Variants in MCUB observed in about 807,000 individuals in gnomAD.
MCUB encodes the protein calcium uniporter regulatory subunit MCUb, mitochondrial.
MCUB carries 46 observed loss-of-function variants against 41.4 expected under a neutral mutation model. The observed-to-expected ratio is 1.11, with a 90% CI of 0.88 to 1.42. The LOEUF (loss-of-function observed/expected upper bound fraction) is 1.42, where lower values mean the gene tolerates loss of function less well. Among genes scored for constraint, MCUB ranks in the 40% most tolerant of loss-of-function variants. The pLI is 0.00. For synonymous variants in MCUB, 148 were observed against 148.2 expected (o/e 1.00, Z 0.01); for missense variants, 403 against 404.9 (o/e 1.00, Z 0.04).
intron 1 of MCUB, among the ~76,000 whole-genome samples, chr4:109,654,455 A>G (rs1374228887): frequency 1.3e-5 from 2 of 152,008 alleles, no homozygotes; most frequent in African/African-American, 4.8e-5. Context: ...TACTAAAAAT[A>G]CAAAAATTAG....
rs796421277 is a variant in MCUB at position 109,576,860 on chromosome 4, G to GT, written c.99+16433dup. 1.7e-3 allele frequency among the ~76,000 whole-genome samples: 255 copies of GT among 151,114 alleles called. 2 individuals carry two copies. Among genetic ancestry groups the GT allele is most frequent in the African/African-American group, 5.2e-3 (216 of 41,182 alleles). ...TCAGAAATTCTTTCTTTTCTTTCTTGTTTTTTTTTGAGATGGAGTCTCACT... is the reference window on the plus strand; with the variant it reads ...TCAGAAATTCTTTCTTTTCTTTCTTGTTTTTTTTTTGAGATGGAGTCTCACT... On this transcript the variant is annotated intron_variant, in intron 1 of 7. Transcript: ENST00000394650.
intron 1 of MCUB, among the ~76,000 whole-genome samples, chr4:109,613,055 G>A (rs1054024117): frequency 4.6e-5 from 7 of 151,412 alleles, no homozygotes; most frequent in East Asian, 1.9e-4. Context: ...GCAGTGAGCC[G>A]AGATCACACC....
intron 1 of MCUB, among the ~76,000 whole-genome samples, chr4:109,621,861 G>A: frequency 6.6e-6 from 1 of 152,048 alleles, no homozygotes; most frequent in East Asian, 1.9e-4. Context: ...AACTTATAAT[G>A]TGGGGATTTT....
At chr4:109,596,537 G>A (rs1204156654) in intron 1 of MCUB, among the ~76,000 whole-genome samples, 2 of 151,976 alleles carry the variant, frequency 1.3e-5, no homozygotes, top group African/African-American at 2.4e-5. Flanking sequence ...ATGTGGAACT[G>A]CAGTTGCCAT....
intron 1 of MCUB, among the ~76,000 whole-genome samples, chr4:109,631,797 A>G (rs1205509665): frequency 1.3e-5 from 2 of 152,058 alleles, no homozygotes; most frequent in Non-Finnish European, 2.9e-5. Flanking sequence ...TCCTTTATTC[A>G]GCCCAGGGGT....
At chr4:109,609,027 T>G (rs985990569) in intron 1 of MCUB, among the ~76,000 whole-genome samples, 1 of 151,804 alleles carries the variant, frequency 6.6e-6, no homozygotes, top group African/African-American at 2.4e-5. Flanking sequence ...AGACAGAGAC[T>G]CTGTGTTATC....
In MCUB at chr4:109,674,130, G is replaced by A. The variant is rs115440293; in HGVS notation, c.452-8452G>A. 2,250 of 1,376,724 alleles carry A rather than the reference G, an allele frequency of 1.6e-3. 27 individuals are homozygous for A. The African/African-American group carries it at 0.029, about 18-fold the overall frequency. 85.3% of individuals were successfully genotyped at this position (1,376,724 alleles called of 1,614,324 possible). On this transcript the variant is annotated intron_variant, in intron 4 of 7. Transcript: ENST00000394650. Reference sequence around the variant, plus strand: ...GGGCAAAACCTAAGCCTTAGAAGAAGAGATGCTGCCTTGTTGGAGGAGCTT... The same window carrying A: ...GGGCAAAACCTAAGCCTTAGAAGAAAAGATGCTGCCTTGTTGGAGGAGCTT...
At chr4:109,568,873 G>T (rs1358768366) in intron 1 of MCUB, among the ~76,000 whole-genome samples, 3 of 152,112 alleles carry the variant, frequency 2.0e-5, no homozygotes, top group Non-Finnish European at 4.4e-5. Flanking sequence ...AGTATATAAA[G>T]TTCCTTAATG....
chr4:109,626,821 CAAAAAAAAAA>C (rs58560479), intron 1 of MCUB, among the ~76,000 whole-genome samples: 9 of 81,566 alleles, frequency 1.1e-4, no homozygotes, highest in South Asian at 4.4e-4. Flanking sequence ...GAGTCCGACT[CAAAAAAAAAA>C]AAAAAAAAAA....
At chr4:109,639,409 G>C (rs1157686589) in intron 1 of MCUB, among the ~76,000 whole-genome samples, 1 of 151,766 alleles carries the variant, frequency 6.6e-6, no homozygotes, top group Non-Finnish European at 1.5e-5. Flanking sequence ...TAGTAAACTG[G>C]CCTGGCACAG....
chr4:109,665,572 T>C (rs1729326192), intron 4 of MCUB, among the ~76,000 whole-genome samples: 1 of 152,216 alleles, frequency 6.6e-6, no homozygotes, highest in Non-Finnish European at 1.5e-5. Context: ...CCATACTCCC[T>C]TCATATACTT....
chr4:109,612,270 T>TC (rs1347851733), intron 1 of MCUB, among the ~76,000 whole-genome samples: 2 of 146,496 alleles, frequency 1.4e-5, no homozygotes, highest in Non-Finnish European at 3.0e-5. Flanking sequence ...TTTCTTTTTT[T>TC]TTTTTTTTTT....
At chr4:109,687,439 A>T (rs1244093269) in intron 7 of MCUB, 76 bp from the exon 8 acceptor site, 15 of 996,566 alleles carry the variant, frequency 1.5e-5, no homozygotes, top group Non-Finnish European at 6.3e-6. Context: ...CTAAGTTTAT[A>T]GAATTCCTCT....
rs769449883 is a variant in MCUB at position 109,664,332 on chromosome 4, T to C, written c.389T>C (p.Leu130Pro). 9.5e-6 allele frequency: 15 copies of C among 1,586,312 alleles called. No homozygotes were observed. The highest frequency in any genetic ancestry group is 1.3e-5 in the Non-Finnish European group (15 of 1,154,898). The change falls in exon 4 of 8, where the codon CTA (leucine) becomes CCA (proline). Residue 130 changes from leucine to proline, a missense_variant. Leu to Pro is a moderately conservative substitution (Grantham distance 98, BLOSUM62 -3). Transcript: ENST00000394650. Reference sequence around the variant, plus strand: ...GCTTCTACCTTGATGGATATTTTGCTAATGAATGATTTTAAACTTGTCATT... The same window carrying C: ...GCTTCTACCTTGATGGATATTTTGCCAATGAATGATTTTAAACTTGTCATT... ...ISASTLMDILLMNDFKLVINK... is the reference protein window; with the variant it reads ...ISASTLMDILPMNDFKLVINK...
intron 1 of MCUB, among the ~76,000 whole-genome samples, chr4:109,643,769 G>C (rs1175369723): frequency 6.6e-6 from 1 of 152,186 alleles, no homozygotes; most frequent in East Asian, 1.9e-4. Context: ...CTCCCAAAGT[G>C]CTGGGATTAC....
At chr4:109,658,085 C>T (rs763218897) in intron 1 of MCUB, among the ~76,000 whole-genome samples, 17 of 152,202 alleles carry the variant, frequency 1.1e-4, no homozygotes, top group Non-Finnish European at 2.2e-4. Flanking sequence ...GCTTCGGCCT[C>T]CCATAGTGCT....
rs1259281354 is a variant in MCUB, at chr4:109,597,273, C to T, written c.99+36837C>T. Among the ~76,000 whole-genome samples, 7 of 151,938 alleles carry T rather than the reference C, an allele frequency of 4.6e-5. No individual in the cohort carries two copies. The East Asian group carries it at 1.2e-3, about 25-fold the overall frequency. On this transcript the variant is annotated intron_variant, in intron 1 of 7. Transcript: ENST00000394650. ...CACACCTCCCAGACAGGGTGGTGGCCGGGCAGAGGGGCTCCTCACTTCCCA... is the reference window on the plus strand; with the variant it reads ...CACACCTCCCAGACAGGGTGGTGGCTGGGCAGAGGGGCTCCTCACTTCCCA...
intron 6 of MCUB, 22 bp from the exon 7 acceptor site, chr4:109,685,229 T>A: frequency 2.2e-6 from 2 of 909,966 alleles, no homozygotes; most frequent in Non-Finnish European, 3.4e-6. Context: ...GTTGTTTTCT[T>A]CTCTCTCTCT....
chr4:109,659,486 A>C (rs1453107125), intron 2 of MCUB, among the ~76,000 whole-genome samples: 1 of 152,074 alleles, frequency 6.6e-6, no homozygotes, highest in Non-Finnish European at 1.5e-5. Flanking sequence ...GCTACCCAAG[A>C]GATTGAGGTG....
Sources: allele counts gnomAD v4.1 joint callset (sites outside exome capture counted in the v4.1 genomes callset), GRCh38; gene constraint gnomAD v4.1.1; transcripts MANE v1.5; gene names NCBI Gene and HGNC (gene_info 2026-07-23, HGNC 2026-07-21).